The following OPCML variants were observed in gnomAD, a reference collection of about 807,000 sequenced individuals.
The protein encoded by OPCML is opioid-binding protein/cell adhesion molecule.
In OPCML, 13 loss-of-function variants were observed where a neutral mutation model predicts 37.8. The observed-to-expected ratio is 0.34, with a 90% confidence interval of 0.22 to 0.55. OPCML has a LOEUF of 0.55. Ranked by LOEUF, OPCML falls within the 20% of genes least tolerant of loss-of-function variation. The pLI, the probability that OPCML is intolerant of heterozygous loss-of-function variation, is 0.91. For missense variants in OPCML, 341 were observed against 435.6 expected (o/e 0.78, Z 1.93); for synonymous variants, 176 against 168.8 (o/e 1.04, Z -0.33).
At chr11:132,635,776 C>T (rs1047021330) in intron 3 of OPCML, among the ~76,000 whole-genome samples, 1 of 152,132 alleles carries the variant, frequency 6.6e-6, no homozygotes, top group South Asian at 2.1e-4. Context: ...CTATTCACTC[C>T]ACCCCACTGC....
intron 1 of OPCML, among the ~76,000 whole-genome samples, chr11:133,151,171 G>A (rs1949978507): frequency 2.0e-5 from 3 of 152,112 alleles, no homozygotes; most frequent in Non-Finnish European, 4.4e-5. Flanking sequence ...TACTCAGGAG[G>A]CTGAGGCAGG....
intron 1 of OPCML, among the ~76,000 whole-genome samples, chr11:133,056,057 A>G (rs1948231947): frequency 6.6e-6 from 1 of 152,264 alleles, no homozygotes; most frequent in South Asian, 2.1e-4. Flanking sequence ...CCTCCATGGT[A>G]AAAGAGAGAA....
At chr11:133,181,084 A>G (rs1287733892) in intron 1 of OPCML, among the ~76,000 whole-genome samples, 2 of 152,200 alleles carry the variant, frequency 1.3e-5, no homozygotes, top group African/African-American at 4.8e-5. Context: ...TCATTTGTGT[A>G]ACACTTTTAA....
intron 4 of OPCML, among the ~76,000 whole-genome samples, chr11:132,466,675 T>A (rs1047866700): frequency 1.3e-5 from 2 of 152,136 alleles, no homozygotes; most frequent in Non-Finnish European, 2.9e-5. Flanking sequence ...AAAGCTGGTG[T>A]AGGATGTGCC....
intron 3 of OPCML, among the ~76,000 whole-genome samples, chr11:132,645,507 T>A (rs1034159410): frequency 1.3e-5 from 2 of 152,232 alleles, no homozygotes; most frequent in African/African-American, 4.8e-5. Flanking sequence ...CCAATTCAGA[T>A]TGCTATCCCT....
At chr11:133,471,942 C>A (rs976521516) in intron 1 of OPCML, among the ~76,000 whole-genome samples, 5 of 152,164 alleles carry the variant, frequency 3.3e-5, no homozygotes, top group Admixed American at 3.3e-4. Context: ...CATGATTCTG[C>A]CAGTCATCCT....
chr11:132,493,848 G>T (rs1486101476), intron 4 of OPCML, among the ~76,000 whole-genome samples: 2 of 152,238 alleles, frequency 1.3e-5, no homozygotes, highest in African/African-American at 4.8e-5. Flanking sequence ...ATAGGAGCTT[G>T]TTTATCCCAT....
At chr11:132,591,720 A>G (rs2096484748) in intron 3 of OPCML, among the ~76,000 whole-genome samples, 1 of 152,198 alleles carries the variant, frequency 6.6e-6, no homozygotes, top group Non-Finnish European at 1.5e-5. Context: ...AATAAATGAG[A>G]CGTTACGTAG....
intron 2 of OPCML, among the ~76,000 whole-genome samples, chr11:132,698,610 A>G (rs1943692567): frequency 6.6e-6 from 1 of 151,564 alleles, no homozygotes; most frequent in South Asian, 2.1e-4. Context: ...TGATTATTTT[A>G]TTTGCTGTAT....
At chr11:133,404,689 G>A (rs1945488960) in intron 1 of OPCML, among the ~76,000 whole-genome samples, 1 of 152,190 alleles carries the variant, frequency 6.6e-6, no homozygotes, top group South Asian at 2.1e-4. Context: ...ACCAGAGGAG[G>A]CTGATGCAGC....
intron 2 of OPCML, among the ~76,000 whole-genome samples, chr11:132,882,617 G>A: frequency 6.6e-6 from 1 of 152,166 alleles, no homozygotes; most frequent in East Asian, 1.9e-4. Flanking sequence ...CTATGTGTTA[G>A]CAAGGTTGAA....
chr11:132,511,936 A>G (rs7480330), intron 4 of OPCML, among the ~76,000 whole-genome samples: 31,748 of 152,032 alleles, frequency 0.21, 3,418 homozygotes, highest in Non-Finnish European at 0.23. Context: ...TGAGAAGGCA[A>G]AGCATAGGCT....
chr11:132,740,835 A>G (rs1192397857), intron 2 of OPCML, among the ~76,000 whole-genome samples: 4 of 152,142 alleles, frequency 2.6e-5, no homozygotes, highest in African/African-American at 7.2e-5. Context: ...GTATTTATGG[A>G]TTTACTTATG....
At chr11:132,439,888 C>T (rs765798891) in intron 4 of OPCML, among the ~76,000 whole-genome samples, 5 of 152,164 alleles carry the variant, frequency 3.3e-5, no homozygotes, top group African/African-American at 4.8e-5. Flanking sequence ...GCAGGGTCAA[C>T]GTTCCCCTTT....
chr11:132,798,516 A>G (rs1184735302), intron 2 of OPCML, among the ~76,000 whole-genome samples: 1 of 152,220 alleles, frequency 6.6e-6, no homozygotes, highest in Non-Finnish European at 1.5e-5. Context: ...TTAAGACTGT[A>G]TTATGAAATT....
At chr11:133,111,677 G>C (rs547620399) in intron 1 of OPCML, among the ~76,000 whole-genome samples, 1 of 152,248 alleles carries the variant, frequency 6.6e-6, no homozygotes, top group East Asian at 1.9e-4. Flanking sequence ...AATGAACTTT[G>C]GTGACTTTTC....
At chr11:133,478,186 C>T (rs905247998) in intron 1 of OPCML, among the ~76,000 whole-genome samples, 3 of 152,136 alleles carry the variant, frequency 2.0e-5, no homozygotes, top group East Asian at 3.9e-4. Flanking sequence ...TCCTGAGCTT[C>T]GAGACATCGG....
intron 2 of OPCML, among the ~76,000 whole-genome samples, chr11:132,748,780 A>C (rs145676333): frequency 6.6e-6 from 1 of 152,190 alleles, no homozygotes; most frequent in African/African-American, 2.4e-5. Context: ...TGCGGAGAGG[A>C]TCTGTGCTGG....
At chr11:133,171,747 T>C (rs1950291420) in intron 1 of OPCML, among the ~76,000 whole-genome samples, 1 of 152,198 alleles carries the variant, frequency 6.6e-6, no homozygotes, top group African/African-American at 2.4e-5. Flanking sequence ...AAGTGCTCTT[T>C]AACACTGCAA....
Sources: gnomAD v4.1 joint callset for allele counts (sites outside exome capture counted in the v4.1 genomes callset) on GRCh38, gnomAD v4.1.1 for gene constraint, MANE v1.5 for transcripts, NCBI Gene and HGNC (gene_info 2026-07-23, HGNC 2026-07-21) for gene names.